HMCN1: variants seen among roughly 807,000 people sequenced by gnomAD.
The protein encoded by HMCN1 is hemicentin-1.
HMCN1 carries 321 observed loss-of-function variants against 625.9 expected under a neutral mutation model. The observed-to-expected ratio is 0.51, with a 90% CI of 0.47 to 0.56. The LOEUF (loss-of-function observed/expected upper bound fraction) is 0.56, where lower values mean the gene tolerates loss of function less well. HMCN1 is among the 20% of genes least tolerant of loss of function. The pLI is 0.00. For synonymous variants in HMCN1, 2,425 were observed against 2,417.6 expected (o/e 1.00, Z -0.09); for missense variants, 6,588 against 6,887.3 (o/e 0.96, Z 1.54).
intron 1 of HMCN1, among the ~76,000 whole-genome samples, chr1:185,796,168 A>C (rs1658359138): frequency 6.6e-6 from 1 of 152,202 alleles, no homozygotes. Flanking sequence ...GTTCTATCTT[A>C]GAACATTAGG....
intron 15 of HMCN1, among the ~76,000 whole-genome samples, chr1:185,977,414 C>G (rs1285761567): frequency 1.3e-5 from 2 of 152,016 alleles, no homozygotes; most frequent in African/African-American, 4.8e-5. Flanking sequence ...TCAAAAATAT[C>G]TTATTATAAA....
At position 186,178,780 on chromosome 1, in the gene HMCN1, A is replaced by G; in HGVS notation, c.16294+14A>G. ...ACACATGTGTAGGTAAATGTCAGCC[A>G]TATTACATTTCCTTTCTGTGGGCTC... is the stretch of plus-strand genomic sequence containing the variant. On this transcript the variant is annotated intron_variant, in intron 104 of 106. Transcript: ENST00000271588. The G allele has an allele frequency of 2.0e-6, 3 of 1,535,114 alleles. No individual in the cohort carries two copies.
At chr1:186,078,053 G>T in intron 54 of HMCN1, 54 bp from the exon 55 acceptor site, 3 of 1,315,320 alleles carry the variant, frequency 2.3e-6, no homozygotes, top group South Asian at 2.4e-5. Context: ...TCTGTTTATG[G>T]CTTGTGTTCA....
At chr1:185,829,325 G>C (rs1007679087) in intron 1 of HMCN1, among the ~76,000 whole-genome samples, 11 of 151,234 alleles carry the variant, frequency 7.3e-5, no homozygotes, top group Non-Finnish European at 1.2e-4. Flanking sequence ...TGTACAGAAC[G>C]TGCAGGTTTG....
chr1:186,001,237 G>T, intron 26 of HMCN1, 61 bp from the exon 27 acceptor site: 1 of 1,477,738 alleles, frequency 6.8e-7, no homozygotes, highest in Non-Finnish European at 9.4e-7. Flanking sequence ...CCCTTATAAA[G>T]AAACTCTATA....
chr1:185,816,638 G>A (rs1659861035), intron 1 of HMCN1, among the ~76,000 whole-genome samples: 1 of 152,182 alleles, frequency 6.6e-6, no homozygotes, highest in South Asian at 2.1e-4. Context: ...TCTGTATTGG[G>A]TAACATCCTA....
At chr1:186,118,083 T>C (rs1432197122) in intron 77 of HMCN1, among the ~76,000 whole-genome samples, 1 of 152,110 alleles carries the variant, frequency 6.6e-6, no homozygotes, top group Non-Finnish European at 1.5e-5. Context: ...TAAAATTGAG[T>C]ATGTAAGACT....
chr1:185,941,911 G>T (rs1344988709), intron 11 of HMCN1, among the ~76,000 whole-genome samples: 4 of 152,044 alleles, frequency 2.6e-5, no homozygotes, highest in South Asian at 2.1e-4. Flanking sequence ...GACAAAAAAG[G>T]ACTGGGTGTG....
At chr1:185,926,513 CAA>C (rs1390059239) in intron 9 of HMCN1, among the ~76,000 whole-genome samples, 1 of 152,168 alleles carries the variant, frequency 6.6e-6, no homozygotes, top group Non-Finnish European at 1.5e-5. Flanking sequence ...TAACATTTTT[CAA>C]AGACACATGA....
At chr1:186,139,054 A>G (rs1439499826) in intron 89 of HMCN1, among the ~76,000 whole-genome samples, 1 of 152,216 alleles carries the variant, frequency 6.6e-6, no homozygotes, top group East Asian at 1.9e-4. Context: ...ACTTGGAGAG[A>G]TATCTTAGCT....
chr1:185,998,617 A>G (rs1652967824), intron 25 of HMCN1, among the ~76,000 whole-genome samples: 1 of 151,716 alleles, frequency 6.6e-6, no homozygotes, highest in East Asian at 1.9e-4. Flanking sequence ...TGGATTCCTG[A>G]CTCCCAAGCT....
At chr1:185,854,599 C>T (rs1202200133) in intron 2 of HMCN1, among the ~76,000 whole-genome samples, 1 of 152,112 alleles carries the variant, frequency 6.6e-6, no homozygotes, top group African/African-American at 2.4e-5. Flanking sequence ...CTCAGGTTTC[C>T]TTACATAAAT....
chr1:185,872,066 G>A (rs1663653053), intron 4 of HMCN1, among the ~76,000 whole-genome samples: 1 of 152,180 alleles, frequency 6.6e-6, no homozygotes. Flanking sequence ...ATGTTCTAGA[G>A]AGCTACAGGA....
chr1:185,740,484 TG>T (rs1242817078), intron 1 of HMCN1, among the ~76,000 whole-genome samples: 1 of 152,114 alleles, frequency 6.6e-6, no homozygotes, highest in African/African-American at 2.4e-5. Context: ...GCTTGACTGA[TG>T]CTATGGTTTG....
intron 68 of HMCN1, among the ~76,000 whole-genome samples, chr1:186,096,063 A>G (rs945274124): frequency 6.6e-6 from 1 of 152,190 alleles, no homozygotes; most frequent in East Asian, 1.9e-4. Flanking sequence ...TAACCTTGGA[A>G]GAGAAAGTAA....
intron 70 of HMCN1, 79 bp from the exon 71 acceptor site, chr1:186,108,382 T>C (rs1660720237): frequency 6.2e-7 from 1 of 1,602,334 alleles, no homozygotes; most frequent in African/African-American, 1.3e-5. Context: ...CCTCTTATTA[T>C]TTCATATAGC....
intron 35 of HMCN1, 83 bp downstream of exon 35, chr1:186,019,778 A>G (rs1006716283): frequency 6.6e-6 from 8 of 1,219,822 alleles, no homozygotes; most frequent in African/African-American, 1.5e-5. Flanking sequence ...TCTTAACTGT[A>G]GATTTTCCTG....
chr1:186,180,581 G>A (rs897698101), intron 104 of HMCN1, among the ~76,000 whole-genome samples: 2 of 152,162 alleles, frequency 1.3e-5, no homozygotes, highest in Non-Finnish European at 2.9e-5. Flanking sequence ...TATGGCTGCA[G>A]TTTCATCATA....
At chr1:185,769,240 G>A (rs1052065309) in intron 1 of HMCN1, among the ~76,000 whole-genome samples, 1 of 152,004 alleles carries the variant, frequency 6.6e-6, no homozygotes, top group Non-Finnish European at 1.5e-5. Context: ...TGGAGCCCAG[G>A]AGCTTAAGAC....
Sources: allele counts gnomAD v4.1 joint callset (sites outside exome capture counted in the v4.1 genomes callset), GRCh38; gene constraint gnomAD v4.1.1; transcripts MANE v1.5; gene names NCBI Gene and HGNC (gene_info 2026-07-23, HGNC 2026-07-21).